ELOVL5: variants seen among roughly 807,000 people sequenced by gnomAD.
ELOVL5 encodes the protein very long chain fatty acid elongase 5.
ELOVL5 carries 8 observed loss-of-function variants against 38.6 expected under a neutral mutation model. The ratio of observed to expected loss-of-function variants is 0.21; its 90% CI spans 0.12 to 0.37. The LOEUF is 0.37. Among genes scored for constraint, ELOVL5 ranks in the 10% least tolerant of loss-of-function variants. ELOVL5 has a pLI of 1.00. For synonymous variants in ELOVL5, 127 were observed against 133.7 expected (o/e 0.95, Z 0.34); for missense variants, 280 against 367.8 (o/e 0.76, Z 1.95).
intron 3 of ELOVL5, chr6:53,288,091 TA>T (rs1766641416): frequency 1.4e-6 from 1 of 723,722 alleles, no homozygotes; most frequent in African/African-American, 1.7e-5. Context: ...ACAAAGGAGT[TA>T]AAAGTGGCTT....
At chr6:53,281,856 T>C (rs1245358727) in intron 3 of ELOVL5, among the ~76,000 whole-genome samples, 1 of 150,648 alleles carries the variant, frequency 6.6e-6, no homozygotes, top group Non-Finnish European at 1.5e-5. Context: ...TGAACAGGAA[T>C]ACCCCTGGGT....
At chr6:53,283,447 G>A (rs990333836) in intron 3 of ELOVL5, among the ~76,000 whole-genome samples, 14 of 152,264 alleles carry the variant, frequency 9.2e-5, no homozygotes, top group South Asian at 2.1e-4. Context: ...TTACCTCACA[G>A]ATATATCTGT....
chr6:53,294,629 G>A lies in ELOVL5; in HGVS notation c.58+1013C>T, dbSNP rs1370933228. 2.3e-6 allele frequency: 3 copies of A among 1,305,430 alleles called. No homozygotes were observed. In the Admixed American group the frequency reaches 8.8e-5, roughly 38 times the overall value. The allele number at this position is 1,305,430 out of a possible 1,614,324, so 80.9% of individuals were successfully genotyped here. On this transcript the variant is annotated intron_variant, in intron 2 of 7. Coordinates refer to ENST00000304434, the MANE Select transcript of ELOVL5 (RefSeq NM_021814.5). Reference sequence around the variant, plus strand: ...TTATTATTTTAGCCATTTAGAGTTGGATTTTTTGTCCCTTACAGCTAAAGT... The same window carrying A: ...TTATTATTTTAGCCATTTAGAGTTGAATTTTTTGTCCCTTACAGCTAAAGT...
At chr6:53,287,894 G>C (rs1374984909) in intron 3 of ELOVL5, 1 of 1,535,718 alleles carries the variant, frequency 6.5e-7, no homozygotes, top group Non-Finnish European at 8.7e-7. Flanking sequence ...TGAGTCGAAG[G>C]ATCAGTTCGT....
intron 3 of ELOVL5, among the ~76,000 whole-genome samples, chr6:53,289,072 C>T (rs949768944): frequency 3.3e-5 from 5 of 151,924 alleles, no homozygotes; most frequent in African/African-American, 7.3e-5. Flanking sequence ...AAAAAAACCC[C>T]GCTTCTTCCT....
At chr6:53,324,070 T>C (rs536578384) in intron 1 of ELOVL5, among the ~76,000 whole-genome samples, 61 of 152,032 alleles carry the variant, frequency 4.0e-4, no homozygotes, top group Non-Finnish European at 7.9e-4. Flanking sequence ...CTGGTCAACA[T>C]AGTGAAACCA....
At chr6:53,271,759 T>C (rs929076437) in intron 6 of ELOVL5, among the ~76,000 whole-genome samples, 18 of 152,202 alleles carry the variant, frequency 1.2e-4, no homozygotes, top group African/African-American at 4.1e-4. Flanking sequence ...TGTGCCTGGC[T>C]GTTTGCCTTC....
intron 3 of ELOVL5, among the ~76,000 whole-genome samples, chr6:53,288,384 T>C (rs1340405872): frequency 2.0e-5 from 3 of 152,236 alleles, no homozygotes; most frequent in Non-Finnish European, 2.9e-5. Flanking sequence ...GTTTCTCTTC[T>C]ATAACCTGGA....
At chr6:53,283,542 G>T (rs1000719194) in intron 3 of ELOVL5, among the ~76,000 whole-genome samples, 1 of 151,680 alleles carries the variant, frequency 6.6e-6, no homozygotes, top group Non-Finnish European at 1.5e-5. Context: ...CTATATCACT[G>T]GGGGGGACAA....
intron 1 of ELOVL5, among the ~76,000 whole-genome samples, chr6:53,338,109 T>C (rs1769160550): frequency 6.6e-6 from 1 of 152,110 alleles, no homozygotes; most frequent in Admixed American, 6.6e-5. Flanking sequence ...GGTGGGTGGG[T>C]GGATGGATAT....
intron 1 of ELOVL5, among the ~76,000 whole-genome samples, chr6:53,309,037 C>T (rs1231399093): frequency 6.6e-6 from 1 of 152,102 alleles, no homozygotes; most frequent in Non-Finnish European, 1.5e-5. Flanking sequence ...TTAATCCATC[C>T]TGCACCTGAT....
intron 3 of ELOVL5, 84 bp downstream of exon 3, chr6:53,291,685 GCGGCCAC>G: frequency 1.2e-5 from 13 of 1,047,968 alleles, no homozygotes; most frequent in Non-Finnish European, 1.8e-5. Context: ...TACACCCCAA[GCGGCCAC>G]CTTTCCTCAT....
In ELOVL5 at chr6:53,268,723, T is replaced by C. The variant is rs1048697; in HGVS notation, c.*404A>G. 0.012 allele frequency: 1,896 copies of C among 154,876 alleles called. 14 individuals carry two copies. Among genetic ancestry groups the C allele is most frequent in the Non-Finnish European group, 0.018 (1,240 of 69,546 alleles). 9.6% of individuals were successfully genotyped at this position (154,876 alleles called of 1,614,324 possible). A position where few individuals can be genotyped will look rare whatever the true frequency, so the allele number is the denominator to read the frequency against. On this transcript the variant is annotated 3_prime_UTR_variant, in exon 8 of 8. Coordinates refer to ENST00000304434, the MANE Select transcript of ELOVL5 (RefSeq NM_021814.5). ...TTTTTAAATTTTAAGGCATGTGTGTTTCTCTACCATAACAACATTGTACAA... is the reference window on the plus strand; with the variant it reads ...TTTTTAAATTTTAAGGCATGTGTGTCTCTCTACCATAACAACATTGTACAA...
rs141261833 is a variant in ELOVL5, at chr6:53,324,634, C to A, written c.-9+24183G>T. 4.1e-3 allele frequency among the ~76,000 whole-genome samples: 549 copies of A among 134,324 alleles called. 2 individuals are homozygous for A. Among genetic ancestry groups the A allele is most frequent in the African/African-American group, 0.015 (485 of 32,810 alleles). 88.1% of individuals were successfully genotyped at this position (134,324 alleles called of 152,430 possible). A position where few individuals can be genotyped will look rare whatever the true frequency, so the allele number is the denominator to read the frequency against. ...AGGTTGCAGTGAGCCAAGATGGCAC[C>A]ACTGCATTCCAGCCTGGTGACAAGA... is the stretch of plus-strand genomic sequence containing the variant. On this transcript the variant is annotated intron_variant, in intron 1 of 7. Coordinates refer to ENST00000304434, the MANE Select transcript of ELOVL5 (RefSeq NM_021814.5).
chr6:53,344,870 T>C (rs1426177344), intron 1 of ELOVL5, among the ~76,000 whole-genome samples: 1 of 152,232 alleles, frequency 6.6e-6, no homozygotes, highest in Admixed American at 6.5e-5. Context: ...CTCCTATTCC[T>C]GCCTATCAAC....
chr6:53,347,242 G>GA (rs10709337), intron 1 of ELOVL5, among the ~76,000 whole-genome samples: 2 of 151,896 alleles, frequency 1.3e-5, no homozygotes, highest in African/African-American at 4.8e-5. Context: ...AAACAGTACA[G>GA]AAAAAGTTCC....
chr6:53,337,289 T>G (rs1301003321), intron 1 of ELOVL5: 1 of 152,302 alleles, frequency 6.6e-6, no homozygotes. Flanking sequence ...CTGCCACATC[T>G]GCAGAGCACC....
chr6:53,304,063 T>C (rs978997416), intron 1 of ELOVL5, among the ~76,000 whole-genome samples: 2 of 152,242 alleles, frequency 1.3e-5, no homozygotes, highest in African/African-American at 2.4e-5. Context: ...TCAGGTATTA[T>C]GGGAACAAAC....
In ELOVL5 at chr6:53,268,849, T is replaced by A. The variant is rs1434943101; in HGVS notation, c.*278A>T. ...TCACAATTCAGCACCTATCATGTTA[T>A]AACTAATAAGGCAACAGCAGTGTTG... On this transcript the variant is annotated 3_prime_UTR_variant, in exon 8 of 8. Coordinates refer to ENST00000304434, the MANE Select transcript of ELOVL5 (RefSeq NM_021814.5). The A allele has an allele frequency of 3.6e-6, 1 of 275,324 alleles. No individual in the cohort carries two copies. Among genetic ancestry groups the A allele is most frequent in the Non-Finnish European group, 6.7e-6 (1 of 148,166 alleles). The allele number at this position is 275,324 out of a possible 1,614,324, so 17.1% of individuals were successfully genotyped here.
Sources: gnomAD v4.1 joint callset for allele counts (sites outside exome capture counted in the v4.1 genomes callset) on GRCh38, gnomAD v4.1.1 for gene constraint, MANE v1.5 for transcripts, NCBI Gene and HGNC (gene_info 2026-07-23, HGNC 2026-07-21) for gene names.